SEC31A: variants seen among roughly 807,000 people sequenced by gnomAD.
The protein encoded by SEC31A is SEC31 homolog A, COPII component.
Under a neutral mutation model 151.0 loss-of-function variants are expected in SEC31A, and 70 were observed. The observed-to-expected ratio is 0.46, with a 90% confidence interval of 0.38 to 0.57. SEC31A has a LOEUF of 0.57. Among genes scored for constraint, SEC31A ranks in the 20% least tolerant of loss-of-function variants. The probability of loss-of-function intolerance (pLI) is 0.00; values close to 1 mark genes in which losing one functional copy is unlikely to be tolerated. For synonymous variants in SEC31A, 475 were observed against 505.9 expected (o/e 0.94, Z 0.82); for missense variants, 1,330 against 1,471.2 (o/e 0.90, Z 1.57).
intron 22 of SEC31A, among the ~76,000 whole-genome samples, chr4:82,837,158 CATATATATATATATATATATAT>C (rs138120291): frequency 7.7e-4 from 33 of 42,674 alleles, no homozygotes; most frequent in African/African-American, 2.5e-3. Flanking sequence ...TAAATTTTAT[CATATATATATATATATATATAT>C]ATATATATAT....
chr4:82,870,355 C>G lies in SEC31A; in HGVS notation c.852G>C (p.Lys284Asn). The G allele has an allele frequency of 6.2e-7, 1 of 1,613,952 alleles. No individual in the cohort carries two copies. Among genetic ancestry groups the G allele is most frequent in the African/African-American group, 1.3e-5 (1 of 75,044 alleles). ...ELLLSCGKDA[K>N]ILCSNPNTGE... ...CTGTGTTTGGATTGGAGCAGAGAAT[C>G]TTAGCATCTTTTCCACAGCTCAGTA... Residue 284 changes from lysine to asparagine, a missense_variant, in exon 8 of 27, where the codon AAG becomes AAC. Physicochemically the swap from Lys to Asn is moderately conservative, Grantham distance 94. Coordinates refer to ENST00000395310, the MANE Select transcript of SEC31A (RefSeq NM_001077207.4).
chr4:82,824,611 G>T lies in SEC31A; in HGVS notation c.3355C>A (p.Leu1119Ile). The T allele has an allele frequency of 6.2e-7, 1 of 1,614,068 alleles. No individual in the cohort carries two copies. Among genetic ancestry groups the T allele is most frequent in the Non-Finnish European group, 8.5e-7 (1 of 1,179,952 alleles). Residue 1119 changes from leucine to isoleucine, a missense_variant, in exon 25 of 27, where the codon CTA becomes ATA. Coordinates refer to ENST00000395310, the MANE Select transcript of SEC31A (RefSeq NM_001077207.4). ...KKPIPDEHLI[L>I]KTTFEDLIQR... ...ATAAGATCCTCAAATGTGGTCTTTA[G>T]AATGAGGTGCTCATCTGGAATAGGT...
chr4:82,829,253 T>C, intron 22 of SEC31A, 195 bp from the exon 23 acceptor site: 1 of 501,488 alleles, frequency 2.0e-6, no homozygotes, highest in East Asian at 2.9e-5. Flanking sequence ...GAACAAGGTC[T>C]TCACTTGGTA....
Position 82,824,458 on chromosome 4 carries a change from GC to G in SEC31A, c.3411+96del, listed in dbSNP as rs1416986204. 3.8e-6 allele frequency: 5 copies of G among 1,317,664 alleles called. No individual in the cohort carries two copies. In the African/African-American group the frequency reaches 7.5e-5, roughly 20 times the overall value. The allele number at this position is 1,317,664 out of a possible 1,614,324, so 81.6% of individuals were successfully genotyped here. A position where few individuals can be genotyped will look rare whatever the true frequency, so the allele number is the denominator to read the frequency against. On this transcript the variant is annotated intron_variant, in intron 25 of 26. Transcript: ENST00000395310. ...GGCTTCAAATGATCCACCTACCTCG[GC>G]CTCCCAAAGTGCTGGGATTACACGC...
chr4:82,860,520 G>C (rs528389903), intron 14 of SEC31A, among the ~76,000 whole-genome samples: 38 of 152,066 alleles, frequency 2.5e-4, no homozygotes, highest in Non-Finnish European at 4.3e-4. Flanking sequence ...CTGTCACCCA[G>C]GCTGGAATGC....
rs1438993088 is a variant in SEC31A, at chr4:82,872,431, C to T, written c.640-345G>A. On this transcript the variant is annotated intron_variant, in intron 6 of 26. Transcript: ENST00000395310. The stretch of plus-strand genomic sequence containing the variant: ...CTTGAACTCCTGACCTCAAATGATC[C>T]ACCCACCTCGGCCTCCTAAAGTGCT... 3.3e-5 allele frequency among the ~76,000 whole-genome samples: 5 copies of T among 152,116 alleles called. No homozygotes were observed. The East Asian group carries it at 9.6e-4, about 29-fold the overall frequency.
At chr4:82,826,502 G>A (rs778762420) in intron 24 of SEC31A, among the ~76,000 whole-genome samples, 2 of 152,062 alleles carry the variant, frequency 1.3e-5, no homozygotes, top group Non-Finnish European at 2.9e-5. Flanking sequence ...TACAGGCGCC[G>A]CCACCACGCC....
intron 1 of SEC31A, among the ~76,000 whole-genome samples, chr4:82,883,701 C>T (rs766638531): frequency 6.6e-6 from 1 of 151,688 alleles, no homozygotes; most frequent in Non-Finnish European, 1.5e-5. Context: ...TGGTGGTGCA[C>T]GCCTGTAGTC....
intron 20 of SEC31A, among the ~76,000 whole-genome samples, chr4:82,847,370 G>A (rs1349583816): frequency 1.3e-5 from 2 of 152,148 alleles, no homozygotes; most frequent in African/African-American, 2.4e-5. Flanking sequence ...GAAAATCACT[G>A]CTTTATTTAC....
At chr4:82,852,933 T>C (rs1379310059) in intron 18 of SEC31A, among the ~76,000 whole-genome samples, 1 of 152,130 alleles carries the variant, frequency 6.6e-6, no homozygotes, top group African/African-American at 2.4e-5. Context: ...ATAAGGAGGA[T>C]ACAACCTAGA....
chr4:82,831,506 G>T (rs1162945463), intron 22 of SEC31A: 1 of 152,358 alleles, frequency 6.6e-6, no homozygotes, highest in African/African-American at 2.4e-5. Context: ...TCTCCCAGAT[G>T]ATACGAATGC....
intron 20 of SEC31A, among the ~76,000 whole-genome samples, chr4:82,846,366 C>CATCATCATAATAATAATAATA (rs1553928443): frequency 7.1e-6 from 1 of 140,546 alleles, no homozygotes; most frequent in African/African-American, 2.6e-5. Context: ...AACTCCAAAA[C>CATCATCATAATAATAATAATA]ATAATAATAA....
At chr4:82,888,365 A>T (rs1366418148) in intron 1 of SEC31A, among the ~76,000 whole-genome samples, 1 of 6,846 alleles carries the variant, frequency 1.5e-4, no homozygotes, top group Non-Finnish European at 2.9e-4. Flanking sequence ...AAAAAAAAAA[A>T]AAAAAAAACA....
chr4:82,900,429 T>G lies in SEC31A; in HGVS notation c.-269A>C, dbSNP rs567361535. 9.2e-4 allele frequency: 232 copies of G among 251,908 alleles called. 1 individual carries two copies. In the Middle Eastern group the frequency reaches 0.014, roughly 15 times the overall value. The allele number at this position is 251,908 out of a possible 1,614,324, so 15.6% of individuals were successfully genotyped here. On this transcript the variant is annotated 5_prime_UTR_variant, in exon 1 of 29. Coordinates refer to the SEC31A transcript ENST00000355196. ...CTCAATTTTGGTCCTGCCTCTCTGC[T>G]TCGCATTTTCAGGCTTGGCCTCACA...
intron 17 of SEC31A, 95 bp from the exon 18 acceptor site, chr4:82,853,810 A>C: frequency 1.0e-6 from 1 of 959,670 alleles, no homozygotes; most frequent in South Asian, 1.7e-5. Flanking sequence ...GGCATGGATT[A>C]AGCTTCATAA....
chr4:82,842,176 G>A lies in SEC31A; in HGVS notation c.2932C>T (p.Pro978Ser), dbSNP rs753476426. 1.3e-6 allele frequency: 2 copies of A among 1,583,896 alleles called. No homozygotes were observed. Among genetic ancestry groups the A allele is most frequent in the East Asian group, 2.2e-5 (1 of 44,578 alleles). ...ALPPGTTGTL[P>S]AASELPASQR... ...GACGCAGGCAGCTCACTGGCAGCAG[G>A]CAGTGTACCTGTTGTTCCAGGAGGC... The change falls in exon 22 of 27, where the codon CCT becomes TCT. Residue 978 changes from proline to serine, a missense_variant. Coordinates refer to ENST00000395310, the MANE Select transcript of SEC31A (RefSeq NM_001077207.4).
intron 19 of SEC31A, among the ~76,000 whole-genome samples, chr4:82,850,525 T>C (rs1274121558): frequency 6.6e-6 from 1 of 151,890 alleles, no homozygotes; most frequent in East Asian, 1.9e-4. Context: ...CTAGAAACAA[T>C]TGACTAAAAA....
chr4:82,856,951 C>T lies in SEC31A; in HGVS notation c.1881+1G>A. On this transcript the variant is annotated splice_donor_variant, in intron 16 of 26. Transcript: ENST00000395310. LOFTEE classifies it high-confidence loss of function. ...TATTGCTTATTTTTAAAATAACATA[C>T]CCTGGTAATTTTGCTTTGGGATTTT... The T allele has an allele frequency of 1.2e-6, 2 of 1,604,116 alleles. No homozygotes were observed. Among genetic ancestry groups the T allele is most frequent in the Non-Finnish European group, 8.5e-7 (1 of 1,175,994 alleles).
At chr4:82,828,673 C>CAAAAAAAAAAAAAAAAAA (rs397994259) in intron 23 of SEC31A, among the ~76,000 whole-genome samples, 22 of 44,096 alleles carry the variant, frequency 5.0e-4, no homozygotes, top group African/African-American at 1.2e-3. Flanking sequence ...CAAAGTAACT[C>CAAAAAAAAAAAAAAAAAA]AAAAAAAAAA....
Sources: allele counts gnomAD v4.1 joint callset (sites outside exome capture counted in the v4.1 genomes callset), GRCh38; gene constraint gnomAD v4.1.1; transcripts MANE v1.5; gene names NCBI Gene and HGNC (gene_info 2026-07-23, HGNC 2026-07-21).